Variants in MYO18A observed in about 807,000 individuals in gnomAD.
The protein encoded by MYO18A is unconventional myosin-XVIIIa.
MYO18A carries 78 observed loss-of-function variants against 235.8 expected under a neutral mutation model. The observed-to-expected ratio is 0.33, with a 90% confidence interval of 0.28 to 0.40. The LOEUF (loss-of-function observed/expected upper bound fraction) is 0.40, where lower values mean the gene tolerates loss of function less well. Among genes scored for constraint, MYO18A ranks in the 10% least tolerant of loss-of-function variants. MYO18A has a pLI of 1.00. For missense variants in MYO18A, 2,215 were observed against 2,699.3 expected, an observed-to-expected ratio of 0.82 and a Z score of 3.98; for synonymous variants, 977 against 1,077.8, an observed-to-expected ratio of 0.91 and a Z score of 1.83.
Position 29,118,112 on chromosome 17 carries a change from A to G in MYO18A, c.1971T>C (p.Asp657=), listed in dbSNP as rs750225402. The G allele has an allele frequency of 6.3e-7, 1 of 1,594,766 alleles. No individual in the cohort carries two copies. Among genetic ancestry groups the G allele is most frequent in the Non-Finnish European group, 8.5e-7 (1 of 1,170,298 alleles). ...GAATGAACCAGCAGGCCTTCTGTTC[A>G]TCGGGGGAGATGCCCAGCACCTTCA... The part of the protein sequence containing the change: ...AAMKVLGISP[D]EQKACWFILA... The change falls in exon 10 of 42, where the codon GAT becomes GAC. Residue 657 remains aspartate (D), a synonymous_variant. Coordinates refer to ENST00000527372, the MANE Select transcript of MYO18A (RefSeq NM_078471.4). This position sits in a 1 kb window ranked among gnomAD's most constrained non-coding sequence, Gnocchi z 4.2.
intron 28 of MYO18A, among the ~76,000 whole-genome samples, chr17:29,095,598 C>T (rs922603541): frequency 2.0e-5 from 3 of 152,246 alleles, no homozygotes; most frequent in Admixed American, 2.0e-4. Flanking sequence ...AGCTGGCATT[C>T]CCACTGTGCC....
intron 2 of MYO18A, among the ~76,000 whole-genome samples, chr17:29,139,383 G>C (rs929291780): frequency 6.6e-6 from 1 of 152,102 alleles, no homozygotes; most frequent in Non-Finnish European, 1.5e-5. Flanking sequence ...CCTAGACCAG[G>C]AAGCGCCCAT....
At chr17:29,114,144 G>T in intron 14 of MYO18A, 47 bp from the exon 15 acceptor site, 1 of 1,449,914 alleles carries the variant, frequency 6.9e-7, no homozygotes. Flanking sequence ...TCACATTGTG[G>T]GGAACAGCCT....
intron 1 of MYO18A, among the ~76,000 whole-genome samples, chr17:29,178,843 C>A (rs2068588718): frequency 6.6e-6 from 1 of 152,240 alleles, no homozygotes; most frequent in Non-Finnish European, 1.5e-5. Flanking sequence ...ATTCAATGGG[C>A]TCTGTACTCA....
Position 29,152,322 on chromosome 17 carries a change from C to T in MYO18A, c.999+13620G>A, listed in dbSNP as rs375375263. On this transcript the variant is annotated intron_variant, in intron 2 of 41. Coordinates refer to ENST00000527372, the MANE Select transcript of MYO18A (RefSeq NM_078471.4). The stretch of plus-strand genomic sequence containing the variant: ...GACCAAAAAGTAGGGTGAGTTTGTT[C>T]AAATGGAAAACAAATAGGTAGAAAG... 2.5e-4 allele frequency among the ~76,000 whole-genome samples: 38 copies of T among 152,188 alleles called. No individual in the cohort carries two copies. The South Asian group carries it at 7.7e-3, about 31-fold the overall frequency.
At chr17:29,146,927 C>T (rs748033673) in intron 2 of MYO18A, among the ~76,000 whole-genome samples, 1 of 152,140 alleles carries the variant, frequency 6.6e-6, no homozygotes, top group Non-Finnish European at 1.5e-5. Flanking sequence ...GGTGGGCAGT[C>T]AAAGGAACAA....
chr17:29,092,517 G>A, intron 33 of MYO18A, 61 bp from the exon 34 acceptor site: 1 of 1,382,486 alleles, frequency 7.2e-7, no homozygotes, highest in Non-Finnish European at 1.0e-6. Flanking sequence ...GGGCAGGAGG[G>A]CTGTACAGGA....
At chr17:29,103,100 T>G (rs2066695974) in intron 21 of MYO18A, among the ~76,000 whole-genome samples, 1 of 152,248 alleles carries the variant, frequency 6.6e-6, no homozygotes, top group Non-Finnish European at 1.5e-5. Context: ...CGCATGGCGT[T>G]CCATTCAGAT....
Position 29,097,795 on chromosome 17 carries a change from A to G in MYO18A, c.4095T>C (p.Asp1365=). 2 of 1,611,728 alleles carry G rather than the reference A, an allele frequency of 1.2e-6. No individual in the cohort carries two copies. Among genetic ancestry groups the G allele is most frequent in the Non-Finnish European group, 1.7e-6 (2 of 1,178,732 alleles). Residue 1365 remains aspartate (D), a synonymous_variant, in exon 26 of 42, where the codon GAT becomes GAC. Transcript: ENST00000527372. ...CTTGGGCCTCAGGCCCACCTGCATC[A>G]TCATCATCCACTTCCCCGTTGATCT... ...AAEINGEVDD[D]DAGGEWRLKY... is the part of the protein sequence containing the mutation.
intron 40 of MYO18A, among the ~76,000 whole-genome samples, chr17:29,082,839 G>A (rs577142248): frequency 1.3e-5 from 2 of 152,330 alleles, no homozygotes; most frequent in South Asian, 2.1e-4. Flanking sequence ...TTTCTTGTCT[G>A]CCATTCCTCA....
chr17:29,125,748 AAG>A lies in MYO18A; in HGVS notation c.1000-3497_1000-3496del. The A allele has an allele frequency of 4.6e-6, 1 of 215,396 alleles. No individual in the cohort carries two copies. Among genetic ancestry groups the A allele is most frequent in the Non-Finnish European group, 8.0e-6 (1 of 125,258 alleles). 13.3% of individuals were successfully genotyped at this position (215,396 alleles called of 1,614,324 possible). A position where few individuals can be genotyped will look rare whatever the true frequency, so the allele number is the denominator to read the frequency against. On this transcript the variant is annotated intron_variant, in intron 2 of 41. Coordinates refer to ENST00000527372, the MANE Select transcript of MYO18A (RefSeq NM_078471.4). This position sits in a 1 kb window ranked among gnomAD's most constrained non-coding sequence, Gnocchi z 5.1. ...CCCAGAGCACTTCTCTCATTTCTTT[AAG>A]AGAGAGCCCAACATGAGGGCCCACA...
chr17:29,124,808 G>A, intron 2 of MYO18A: 3 of 815,000 alleles, frequency 3.7e-6, no homozygotes, highest in Non-Finnish European at 3.3e-6. Context: ...GTTGTCCAAG[G>A]CTCGGGGTGA....
At chr17:29,153,830 C>A (rs1014270241) in intron 2 of MYO18A, among the ~76,000 whole-genome samples, 7 of 152,108 alleles carry the variant, frequency 4.6e-5, no homozygotes, top group Admixed American at 1.3e-4. Flanking sequence ...ATGGGCGGGA[C>A]AAAGGGTAGA....
Position 29,097,907 on chromosome 17 carries a change from A to T in MYO18A, c.3991-8T>A. ...CAGTGCATCGTACTGGGTCTGCAGA[A>T]GACAGGGTTTCAGGGTGTGCCATTC... On this transcript the variant is annotated splice_region_variant and splice_polypyrimidine_tract_variant and intron_variant, in intron 25 of 41. Coordinates refer to ENST00000527372, the MANE Select transcript of MYO18A (RefSeq NM_078471.4). 1 of 1,610,134 alleles carries T rather than the reference A, an allele frequency of 6.2e-7. No homozygotes were observed. The highest frequency in any genetic ancestry group is 8.5e-7 in the Non-Finnish European group (1 of 1,177,918).
chr17:29,085,442 CG>C (rs1749938227), intron 40 of MYO18A, among the ~76,000 whole-genome samples, 161 bp downstream of exon 40: 2 of 152,206 alleles, frequency 1.3e-5, no homozygotes, highest in African/African-American at 4.8e-5. Context: ...CTGCCTCCCC[CG>C]AGGATAGAGT....
At position 29,098,908 on chromosome 17, in the gene MYO18A, T is replaced by C. The variant is rs747043834; in HGVS notation, c.3698A>G (p.Asp1233Gly). Residue 1233 changes from aspartate to glycine, a missense_variant, in exon 23 of 42, where the codon GAC (aspartate) becomes GGC (glycine). Transcript: ENST00000527372. The stretch of plus-strand genomic sequence containing the variant: ...GGTAAAAAGCTTCCACCAGGGCCAG[T>C]CCTTCACCCCTTTGTTCTTCTTGAT... Reference protein sequence around the residue: ...KNIKKNKGVKDWPWWKLFTTV... With the variant: ...KNIKKNKGVKGWPWWKLFTTV... The C allele has an allele frequency of 3.7e-6, 6 of 1,613,894 alleles. No individual in the cohort carries two copies. The East Asian group carries it at 1.3e-4, about 36-fold the overall frequency.
Position 29,118,007 on chromosome 17 carries a change from G to C in MYO18A, c.2038+38C>G, listed in dbSNP as rs780702859. Reference sequence around the variant, plus strand: ...GGCAGGGTCCCTGTGAGGTCACCCAGGGGACAGGCCAGCCTACTGGGACCC... The same window carrying C: ...GGCAGGGTCCCTGTGAGGTCACCCACGGGACAGGCCAGCCTACTGGGACCC... On this transcript the variant is annotated intron_variant, in intron 10 of 41. Transcript: ENST00000527372. This position sits in a 1 kb window ranked among gnomAD's most constrained non-coding sequence, Gnocchi z 4.2. The C allele has an allele frequency of 1.3e-5, 21 of 1,558,088 alleles. No individual in the cohort carries two copies. Among genetic ancestry groups the C allele is most frequent in the Non-Finnish European group, 1.2e-5 (14 of 1,151,388 alleles).
In MYO18A at chr17:29,114,011, C is replaced by A; in HGVS notation, c.2598G>T (p.Leu866=). 1 of 1,593,120 alleles carries A rather than the reference C, an allele frequency of 6.3e-7. No individual in the cohort carries two copies. The highest frequency in any genetic ancestry group is 2.3e-5 in the East Asian group (1 of 43,600). ...CCCAAACCCTCTCTGGAGCTCCTAC[C>A]AGGGACTGATGGGAGGCCTGGTCCA... is the stretch of plus-strand genomic sequence containing the variant. ...AAVDQASHQS[L]VRSLARTDEA... is the part of the protein sequence containing the mutation. Residue 866 remains leucine, a splice_region_variant and synonymous_variant, in exon 15 of 42, where the codon CTG becomes CTT. Coordinates refer to ENST00000527372, the MANE Select transcript of MYO18A (RefSeq NM_078471.4).
In MYO18A at chr17:29,126,322, AC is replaced by A. The variant is rs138361879; in HGVS notation, c.1000-4070del. Reference sequence around the variant, plus strand: ...AGAGGAGGAGGGACGGGGAGGAGGGACGGGGAGGAGGGAGGGGAGGGCAGCC... The same window carrying A: ...AGAGGAGGAGGGACGGGGAGGAGGGAGGGGAGGAGGGAGGGGAGGGCAGCC... On this transcript the variant is annotated intron_variant, in intron 2 of 41. Coordinates refer to ENST00000527372, the MANE Select transcript of MYO18A (RefSeq NM_078471.4). This position sits in a 1 kb window ranked among gnomAD's most constrained non-coding sequence, Gnocchi z 4.1. 1.5e-5 allele frequency among the ~76,000 whole-genome samples: 2 copies of A among 134,550 alleles called. No individual in the cohort carries two copies. The highest frequency in any genetic ancestry group is 2.4e-4 in the East Asian group (1 of 4,214). 88.3% of individuals were successfully genotyped at this position (134,550 alleles called of 152,430 possible).
Sources: gnomAD v4.1 joint callset for allele counts (sites outside exome capture counted in the v4.1 genomes callset) on GRCh38, gnomAD v4.1.1 for gene constraint, Gnocchi (gnomAD v3.1) non-coding constraint, MANE v1.5 for transcripts, NCBI Gene and HGNC (gene_info 2026-07-23, HGNC 2026-07-21) for gene names.